Variants in CEP104 observed in about 807,000 individuals in gnomAD.
CEP104 encodes centrosomal protein of 104 kDa.
CEP104 carries 84 observed loss-of-function variants against 113.3 expected under a neutral mutation model. That is an observed-to-expected ratio of 0.74 (90% CI 0.62 to 0.89). CEP104 has a LOEUF of 0.89. Among genes scored for constraint, CEP104 ranks in the 40% least tolerant of loss-of-function variants. The pLI is 0.00. For synonymous variants in CEP104, 378 were observed against 421.7 expected, an observed-to-expected ratio of 0.90 and a Z score of 1.27; for missense variants, 1,053 against 1,156.6, an observed-to-expected ratio of 0.91 and a Z score of 1.30.
At chr1:3,825,715 TC>T (rs777981914) in intron 18 of CEP104, 42 bp downstream of exon 18, 12 of 1,272,438 alleles carry the variant, frequency 9.4e-6, no homozygotes, top group African/African-American at 1.5e-5. Context: ...AGCCAGGTGT[TC>T]CCGCTCATGC....
chr1:3,815,319 A>C lies in CEP104; in HGVS notation c.*83T>G. ...CAGCAGCCAGAGCATGGGGCCACCAAGGCCAGAGAGTTCTGGAGAGATGGT... is the reference window on the plus strand; with the variant it reads ...CAGCAGCCAGAGCATGGGGCCACCACGGCCAGAGAGTTCTGGAGAGATGGT... On this transcript the variant is annotated 3_prime_UTR_variant, in exon 22 of 22. Coordinates refer to ENST00000378230, the MANE Select transcript of CEP104 (RefSeq NM_014704.4). 9.3e-7 allele frequency: 1 copy of C among 1,075,428 alleles called. No individual in the cohort carries two copies. Among genetic ancestry groups the C allele is most frequent in the Non-Finnish European group, 1.4e-6 (1 of 728,216 alleles). The allele number at this position is 1,075,428 out of a possible 1,614,324, so 66.6% of individuals were successfully genotyped here.
chr1:3,848,192 T>C (rs375800363), intron 3 of CEP104, among the ~76,000 whole-genome samples: 2 of 152,102 alleles, frequency 1.3e-5, no homozygotes, highest in East Asian at 1.9e-4. Context: ...TTGAACCAAA[T>C]AGAAGTACAT....
chr1:3,843,375 A>T, intron 6 of CEP104: 4 of 436,360 alleles, frequency 9.2e-6, no homozygotes, highest in East Asian at 3.7e-5. Context: ...AAATATGTAT[A>T]ATTTTTTTTT....
chr1:3,825,883 G>A lies in CEP104; in HGVS notation c.2256-17C>T, dbSNP rs1644080790. The A allele has an allele frequency of 3.8e-6, 6 of 1,561,536 alleles. No individual in the cohort carries two copies. The highest frequency in any genetic ancestry group is 5.3e-6 in the Non-Finnish European group (6 of 1,131,970). On this transcript the variant is annotated splice_polypyrimidine_tract_variant and intron_variant, in intron 17 of 21. Transcript: ENST00000378230. Reference sequence around the variant, plus strand: ...ATACACAAACTGAAAGCAAAGCAAAGCAGGAAATAAAGGTAAGGATCTAGT... The same window carrying A: ...ATACACAAACTGAAAGCAAAGCAAAACAGGAAATAAAGGTAAGGATCTAGT...
chr1:3,841,143 C>T (rs577510252), intron 6 of CEP104, among the ~76,000 whole-genome samples: 1 of 152,298 alleles, frequency 6.6e-6, no homozygotes, highest in East Asian at 1.9e-4. Flanking sequence ...ATTAAACAAG[C>T]CAGCTGCTTA....
At chr1:3,842,492 G>A (rs951486920) in intron 6 of CEP104, among the ~76,000 whole-genome samples, 1 of 152,232 alleles carries the variant, frequency 6.6e-6, no homozygotes, top group Non-Finnish European at 1.5e-5. Flanking sequence ...GGGAGGCGGT[G>A]TAGCCTCTGC....
At chr1:3,850,349 T>C (rs1366177517) in intron 2 of CEP104, among the ~76,000 whole-genome samples, 1 of 152,224 alleles carries the variant, frequency 6.6e-6, no homozygotes, top group Non-Finnish European at 1.5e-5. Flanking sequence ...CCCTTCAAGA[T>C]AAATTGACAG....
chr1:3,828,839 A>G (rs1016114323), intron 15 of CEP104, among the ~76,000 whole-genome samples: 1 of 115,392 alleles, frequency 8.7e-6, no homozygotes, highest in African/African-American at 3.8e-5. Flanking sequence ...TACATATGAC[A>G]CCCCCACAGG....
rs1348897653 is a variant in CEP104, at chr1:3,814,259, A to T, written c.*1143T>A. ...TGGGAGCACAGGCTGGGGCAGCGAG[A>T]GGGTGGATGCTTCCAGACAGACCCT... is the stretch of plus-strand genomic sequence containing the variant. On this transcript the variant is annotated 3_prime_UTR_variant, in exon 22 of 22. Coordinates refer to ENST00000378230, the MANE Select transcript of CEP104 (RefSeq NM_014704.4). 1 of 152,170 alleles carries T rather than the reference A, an allele frequency of 6.6e-6. No homozygotes were observed. Among genetic ancestry groups the T allele is most frequent in the Non-Finnish European group, 1.5e-5 (1 of 68,056 alleles). 9.4% of individuals were successfully genotyped at this position (152,170 alleles called of 1,614,324 possible).
intron 20 of CEP104, among the ~76,000 whole-genome samples, chr1:3,820,391 T>A (rs1167642359): frequency 6.6e-6 from 1 of 152,004 alleles, no homozygotes; most frequent in East Asian, 1.9e-4. Context: ...GGGGAAAAGA[T>A]GTATGTGCAG....
At chr1:3,832,960 C>T (rs1477281158) in intron 12 of CEP104, among the ~76,000 whole-genome samples, 12 of 149,670 alleles carry the variant, frequency 8.0e-5, no homozygotes, top group South Asian at 4.2e-4. Flanking sequence ...GGATTATGGG[C>T]GTGAGCCACC....
rs1392576230 is a variant in CEP104 at position 3,826,532 on chromosome 1, G to A, written c.2189-96C>T. On this transcript the variant is annotated intron_variant, in intron 16 of 21. Coordinates refer to ENST00000378230, the MANE Select transcript of CEP104 (RefSeq NM_014704.4). ...TGTGAGCTCTAAAACGATTATACAA[G>A]TAAAAAGGTAGCATGTTTTCCATTC... 13 of 1,338,644 alleles carry A rather than the reference G, an allele frequency of 9.7e-6. No individual in the cohort carries two copies. In the East Asian group the frequency reaches 1.2e-4, roughly 12 times the overall value. The allele number at this position is 1,338,644 out of a possible 1,614,324, so 82.9% of individuals were successfully genotyped here.
In CEP104 at chr1:3,816,303, T is replaced by C; in HGVS notation, c.2639A>G (p.Gln880Arg). 4 of 1,553,276 alleles carry C rather than the reference T, an allele frequency of 2.6e-6. No homozygotes were observed. In the East Asian group the frequency reaches 7.3e-5, roughly 28 times the overall value. The change falls in exon 21 of 22, where the codon CAG becomes CGG. Residue 880 changes from glutamine to arginine, a missense_variant. Coordinates refer to ENST00000378230, the MANE Select transcript of CEP104 (RefSeq NM_014704.4). Reference protein sequence around the residue: ...TMNLRKTHILQKAPALQPGKS... With the variant: ...TMNLRKTHILRKAPALQPGKS... ...ACCTGGCTGCAGTGCCGGGGCCTTC[T>C]GCAGAATGTGTGTCTTGCGCAGGTT...
intron 8 of CEP104, among the ~76,000 whole-genome samples, chr1:3,837,869 G>T (rs1320527339): frequency 6.6e-6 from 1 of 152,240 alleles, no homozygotes; most frequent in Non-Finnish European, 1.5e-5. Flanking sequence ...ACCTGGGCTG[G>T]ACCCAAGTGG....
At chr1:3,848,468 G>A in intron 3 of CEP104, 140 bp downstream of exon 3, 1 of 643,862 alleles carries the variant, frequency 1.6e-6, no homozygotes, top group Non-Finnish European at 2.5e-6. Flanking sequence ...GGAGGCAGAG[G>A]CTGCAGTGAG....
At position 3,820,093 on chromosome 1, in the gene CEP104, G is replaced by C. The variant is rs1013759782; in HGVS notation, c.2571+3081C>G. The stretch of plus-strand genomic sequence containing the variant: ...TATGCTGAAGGGTGTGTGGTGATGT[G>C]TAAGGCAGTGCAGATAATGAGATAC... On this transcript the variant is annotated intron_variant, in intron 20 of 21. Coordinates refer to ENST00000378230, the MANE Select transcript of CEP104 (RefSeq NM_014704.4). Among the ~76,000 whole-genome samples the C allele has an allele frequency of 3.3e-5, 5 of 152,298 alleles. No individual in the cohort carries two copies. In the East Asian group the frequency reaches 9.7e-4, roughly 29 times the overall value.
chr1:3,852,472 A>T, intron 1 of CEP104, 51 bp from the exon 2 acceptor site: 2 of 1,537,362 alleles, frequency 1.3e-6, no homozygotes, highest in African/African-American at 2.7e-5. Flanking sequence ...ATTCACTAAC[A>T]CATGGACATT....
At chr1:3,831,014 C>T (rs772059761) in intron 13 of CEP104, 32 bp downstream of exon 13, 34 of 1,599,872 alleles carry the variant, frequency 2.1e-5, no homozygotes, top group Admixed American at 8.4e-5. Context: ...AGTGCTGGGC[C>T]GCGTGGTGTG....
At chr1:3,836,421 C>A in intron 10 of CEP104, 74 bp downstream of exon 10, 1 of 1,474,156 alleles carries the variant, frequency 6.8e-7, no homozygotes, top group Non-Finnish European at 9.1e-7. Flanking sequence ...TGTGTAAGTA[C>A]ACAGAGGTGT....
Sources: gnomAD v4.1 joint callset for allele counts (sites outside exome capture counted in the v4.1 genomes callset) on GRCh38, gnomAD v4.1.1 for gene constraint, MANE v1.5 for transcripts, NCBI Gene and HGNC (gene_info 2026-07-23, HGNC 2026-07-21) for gene names.